The following EPHA7 variants were observed in gnomAD, a reference collection of about 807,000 sequenced individuals.
EPHA7 encodes the protein ephrin type-A receptor 7.
A neutral mutation model predicts 112.6 loss-of-function variants in EPHA7; 25 were observed. The observed-to-expected ratio is 0.22, with a 90% CI of 0.16 to 0.31. EPHA7 has a LOEUF of 0.31. Ranked by LOEUF, EPHA7 falls within the 10% of genes least tolerant of loss-of-function variation. The pLI is 1.00. For missense variants in EPHA7, 962 were observed against 1,212.6 expected, an observed-to-expected ratio of 0.79 and a Z score of 3.07; for synonymous variants, 437 against 406.5, an observed-to-expected ratio of 1.07 and a Z score of -0.90.
intron 3 of EPHA7, among the ~76,000 whole-genome samples, chr6:93,403,977 C>T (rs1385002421): frequency 6.6e-6 from 1 of 151,872 alleles, no homozygotes; most frequent in Non-Finnish European, 1.5e-5. Flanking sequence ...AATGAGACAT[C>T]GTAGAAATAT....
chr6:93,333,024 T>A lies in EPHA7; in HGVS notation c.1324+23693A>T, dbSNP rs114103323. ...ATCTGACAGGTATTTTTTCTGATCC[T>A]CTCCCTCCTCCAAAACTCCACCCTC... On this transcript the variant is annotated intron_variant, in intron 5 of 16. Coordinates refer to ENST00000369303, the MANE Select transcript of EPHA7 (RefSeq NM_004440.4). Among the ~76,000 whole-genome samples, 888 of 151,826 alleles carry A rather than the reference T, an allele frequency of 5.8e-3. 11 individuals carry two copies. Among genetic ancestry groups the A allele is most frequent in the African/African-American group, 0.02 (849 of 41,486 alleles).
rs62414250 is a variant in EPHA7, at chr6:93,391,999, T to C, written c.832+18502A>G. ...CTCAATTTCCTTAAATAAAATGGAA[T>C]AATCTAAATTTTTTAAATCATATGG... On this transcript the variant is annotated intron_variant, in intron 3 of 16. Coordinates refer to ENST00000369303, the MANE Select transcript of EPHA7 (RefSeq NM_004440.4). Among the ~76,000 whole-genome samples, 635 of 152,050 alleles carry C rather than the reference T, an allele frequency of 4.2e-3. 4 individuals carry two copies. Among genetic ancestry groups the C allele is most frequent in the Non-Finnish European group, 6.0e-3 (407 of 67,900 alleles).
At chr6:93,323,861 G>C (rs1774190224) in intron 5 of EPHA7, among the ~76,000 whole-genome samples, 1 of 151,350 alleles carries the variant, frequency 6.6e-6, no homozygotes, top group Non-Finnish European at 1.5e-5. Context: ...CACCAAATCT[G>C]TATAAAAAGC....
intron 3 of EPHA7, among the ~76,000 whole-genome samples, chr6:93,397,900 TTTTG>T (rs1778258835): frequency 6.6e-6 from 1 of 151,982 alleles, no homozygotes. Flanking sequence ...TGTATCAGTG[TTTTG>T]TTTTTCTAGT....
chr6:93,357,641 C>A (rs944959156), intron 4 of EPHA7, among the ~76,000 whole-genome samples: 8 of 146,404 alleles, frequency 5.5e-5, no homozygotes, highest in Non-Finnish European at 8.9e-5. Context: ...AATATCCATG[C>A]AAGACCCTAA....
intron 3 of EPHA7, among the ~76,000 whole-genome samples, chr6:93,392,739 C>A (rs665252): frequency 0.83 from 126,512 of 151,806 alleles, 53,171 homozygotes; most frequent in African/African-American, 0.95. Context: ...TTTCATATTG[C>A]AAAATGTATG....
intron 5 of EPHA7, among the ~76,000 whole-genome samples, chr6:93,331,728 G>T (rs2127903649): frequency 6.6e-6 from 1 of 151,540 alleles, no homozygotes; most frequent in South Asian, 2.1e-4. Context: ...GTATGTGTGT[G>T]GCAAATAGCA....
At position 93,242,246 on chromosome 6, in the gene EPHA7, CAA is replaced by C. The variant is rs1440010249; in HGVS notation, c.*1178_*1179del. 5.0e-6 allele frequency: 1 copy of C among 199,602 alleles called. No homozygotes were observed. Among genetic ancestry groups the C allele is most frequent in the Admixed American group, 6.0e-5 (1 of 16,580 alleles). 12.4% of individuals were successfully genotyped at this position (199,602 alleles called of 1,614,324 possible). ...AGTTTCTTGCATCAGTGTTCACAAACAAAAGACTTTTTGTTTTGTTTTGTTTT... is the reference window on the plus strand; with the variant it reads ...AGTTTCTTGCATCAGTGTTCACAAACAAGACTTTTTGTTTTGTTTTGTTTT... On this transcript the variant is annotated 3_prime_UTR_variant, in exon 17 of 17. Coordinates refer to ENST00000369303, the MANE Select transcript of EPHA7 (RefSeq NM_004440.4).
At chr6:93,273,556 G>A (rs904341868) in intron 5 of EPHA7, among the ~76,000 whole-genome samples, 6 of 151,822 alleles carry the variant, frequency 4.0e-5, no homozygotes, top group African/African-American at 1.2e-4. Flanking sequence ...CTGGCTTGGC[G>A]ATTTTGAAGG....
chr6:93,318,302 T>C (rs958756884), intron 5 of EPHA7, among the ~76,000 whole-genome samples: 9 of 152,042 alleles, frequency 5.9e-5, no homozygotes, highest in African/African-American at 2.2e-4. Context: ...CATGTCTCCA[T>C]AACTTGCCAC....
chr6:93,294,949 G>C (rs776838099), intron 5 of EPHA7, among the ~76,000 whole-genome samples: 3 of 151,944 alleles, frequency 2.0e-5, no homozygotes, highest in Non-Finnish European at 4.4e-5. Context: ...ATATTGAAAA[G>C]TTTTGAATTG....
intron 9 of EPHA7, among the ~76,000 whole-genome samples, chr6:93,263,551 C>G (rs1386134282): frequency 1.3e-5 from 2 of 151,374 alleles, no homozygotes; most frequent in Non-Finnish European, 3.0e-5. Flanking sequence ...GGGGCACATG[C>G]AACCTTTAAT....
intron 5 of EPHA7, among the ~76,000 whole-genome samples, chr6:93,277,692 A>C (rs1378488978): frequency 1.3e-5 from 2 of 152,030 alleles, no homozygotes; most frequent in African/African-American, 4.8e-5. Flanking sequence ...AAATTATGTT[A>C]TTTGCATTGC....
intron 16 of EPHA7, 22 bp downstream of exon 16, chr6:93,245,276 A>G (rs199513800): frequency 1.2e-6 from 2 of 1,602,260 alleles, no homozygotes; most frequent in East Asian, 4.5e-5. Flanking sequence ...CCTTAAATAC[A>G]ATTTTAAGAG....
intron 5 of EPHA7, among the ~76,000 whole-genome samples, chr6:93,355,207 T>TA (rs1775887080): frequency 1.3e-5 from 2 of 152,158 alleles, no homozygotes; most frequent in South Asian, 4.1e-4. Context: ...GTCTAATTAT[T>TA]AAAGATTTAC....
At chr6:93,255,746 T>C in intron 13 of EPHA7, 82 bp downstream of exon 13, 1 of 1,248,832 alleles carries the variant, frequency 8.0e-7, no homozygotes, top group African/African-American at 1.5e-5. Context: ...TTCTCCTGTT[T>C]AGTTTTACAT....
intron 3 of EPHA7, among the ~76,000 whole-genome samples, chr6:93,358,916 C>T (rs980286378): frequency 6.6e-6 from 1 of 152,048 alleles, no homozygotes; most frequent in Non-Finnish European, 1.5e-5. Flanking sequence ...AAATTTTTCA[C>T]CTGAAAATGA....
rs1179634003 is a variant in EPHA7, at chr6:93,252,857, A to G, written c.2532+1790T>C. 2.0e-5 allele frequency among the ~76,000 whole-genome samples: 3 copies of G among 152,162 alleles called. No individual in the cohort carries two copies. The East Asian group carries it at 5.8e-4, about 29-fold the overall frequency. The stretch of plus-strand genomic sequence containing the variant: ...TTTTAGGTTAAAACTAAACTGCACA[A>G]TAGACATAATTATGTCATTTGACTA... On this transcript the variant is annotated intron_variant, in intron 14 of 16. Coordinates refer to ENST00000369303, the MANE Select transcript of EPHA7 (RefSeq NM_004440.4).
intron 5 of EPHA7, among the ~76,000 whole-genome samples, chr6:93,292,246 T>A (rs1202405416): frequency 6.6e-6 from 1 of 152,206 alleles, no homozygotes; most frequent in East Asian, 1.9e-4. Flanking sequence ...CTTATTACTT[T>A]TATTTTTTAA....
Sources: allele counts gnomAD v4.1 joint callset (sites outside exome capture counted in the v4.1 genomes callset), GRCh38; gene constraint gnomAD v4.1.1; transcripts MANE v1.5; gene names NCBI Gene and HGNC (gene_info 2026-07-23, HGNC 2026-07-21).